The following SLC6A19 variants were observed in gnomAD, a reference collection of about 807,000 sequenced individuals.
SLC6A19 encodes sodium-dependent neutral amino acid transporter B(0)AT1.
In SLC6A19, 67 loss-of-function variants were observed where a neutral mutation model predicts 68.3. The ratio of observed to expected loss-of-function variants is 0.98; its 90% CI spans 0.81 to 1.20. The LOEUF is 1.20. Ranked by LOEUF, SLC6A19 falls within the 50% of genes most tolerant of loss-of-function variation. SLC6A19 has a pLI of 0.00. For missense variants in SLC6A19, 813 were observed against 851.6 expected (o/e 0.95, Z 0.56); for synonymous variants, 392 against 374.9 (o/e 1.05, Z -0.53).
intron 1 of SLC6A19, among the ~76,000 whole-genome samples, chr5:1,206,991 C>G (rs889689899): frequency 2.0e-5 from 3 of 152,192 alleles, no homozygotes; most frequent in Admixed American, 2.0e-4. Context: ...CTCACCCCGG[C>G]TGCAGCGTGG....
intron 1 of SLC6A19, among the ~76,000 whole-genome samples, chr5:1,205,414 G>T (rs1745825843): frequency 6.6e-6 from 1 of 152,358 alleles, no homozygotes; most frequent in East Asian, 1.9e-4. Context: ...CTGCATTTGG[G>T]GTGGAGTGGG....
chr5:1,216,190 G>A (rs1337310779), intron 6 of SLC6A19, among the ~76,000 whole-genome samples: 3 of 152,216 alleles, frequency 2.0e-5, no homozygotes, highest in African/African-American at 7.2e-5. Flanking sequence ...GAGAATGGAT[G>A]TGATGTCTTT....
intron 6 of SLC6A19, 87 bp from the exon 7 acceptor site, chr5:1,216,471 C>G (rs368806493): frequency 6.3e-7 from 1 of 1,597,682 alleles, no homozygotes. Flanking sequence ...GGGGCTGGCG[C>G]TCTGGGCGGG....
rs1746404748 is a variant in SLC6A19, at chr5:1,222,187, T to C, written c.*283T>C. ...GTGCCATGTGTGCAGATGTGTCATG[T>C]TGTGTGTGTGCATGTACATGTATGG... On this transcript the variant is annotated 3_prime_UTR_variant, in exon 12 of 12. Coordinates refer to ENST00000304460, the MANE Select transcript of SLC6A19 (RefSeq NM_001003841.3). 6.7e-6 allele frequency: 4 copies of C among 594,236 alleles called. No individual in the cohort carries two copies. The highest frequency in any genetic ancestry group is 1.2e-5 in the Non-Finnish European group (4 of 333,616). The allele number at this position is 594,236 out of a possible 1,614,324, so 36.8% of individuals were successfully genotyped here.
intron 8 of SLC6A19, among the ~76,000 whole-genome samples, chr5:1,217,467 T>G (rs1168272291): frequency 6.6e-6 from 1 of 152,228 alleles, no homozygotes; most frequent in Admixed American, 6.5e-5. Context: ...AGGTCGACAT[T>G]TGCTGATTTT....
Position 1,215,984 on chromosome 5 carries a change from T to G in SLC6A19, c.888-574T>G, listed in dbSNP as rs1380570327. Among the ~76,000 whole-genome samples, 3 of 152,170 alleles carry G rather than the reference T, an allele frequency of 2.0e-5. No individual in the cohort carries two copies. In the East Asian group the frequency reaches 5.8e-4, roughly 29 times the overall value. On this transcript the variant is annotated intron_variant, in intron 6 of 11. Coordinates refer to ENST00000304460, the MANE Select transcript of SLC6A19 (RefSeq NM_001003841.3). This position sits in a 1 kb window ranked among gnomAD's most constrained non-coding sequence, Gnocchi z 5.1. The stretch of plus-strand genomic sequence containing the variant: ...TTGGCATTTCCCTGAGGCTAACAGA[T>G]TCAGCTTTTGATGGAAGCATCTGGA...
At chr5:1,218,715 G>A (rs1362974943) in intron 8 of SLC6A19, among the ~76,000 whole-genome samples, 188 bp from the exon 9 acceptor site, 1 of 152,230 alleles carries the variant, frequency 6.6e-6, no homozygotes, top group Non-Finnish European at 1.5e-5. Flanking sequence ...TCCACGTGCT[G>A]GTCCTGATGC....
intron 1 of SLC6A19, among the ~76,000 whole-genome samples, chr5:1,208,047 AC>A (rs1165446474): frequency 6.6e-6 from 1 of 152,220 alleles, no homozygotes; most frequent in Non-Finnish European, 1.5e-5. Flanking sequence ...ATTATTGAAT[AC>A]ATATATGTAA....
intron 3 of SLC6A19, among the ~76,000 whole-genome samples, chr5:1,211,361 G>A (rs949808888): frequency 6.6e-6 from 1 of 152,256 alleles, no homozygotes; most frequent in Non-Finnish European, 1.5e-5. Flanking sequence ...CAAGCCCAGA[G>A]AGGCCCACAG....
At chr5:1,205,936 A>T (rs1443182238) in intron 1 of SLC6A19, among the ~76,000 whole-genome samples, 2 of 152,112 alleles carry the variant, frequency 1.3e-5, no homozygotes, top group African/African-American at 2.4e-5. Context: ...TCATCTCTCG[A>T]TGAATCCAGC....
chr5:1,204,978 T>G (rs1022056275), intron 1 of SLC6A19, among the ~76,000 whole-genome samples: 8 of 152,158 alleles, frequency 5.3e-5, no homozygotes, highest in Non-Finnish European at 1.5e-5. Context: ...TCTCTCCTGG[T>G]TTCCTACTTT....
At chr5:1,213,889 ACCC>A in intron 5 of SLC6A19, 61 bp from the exon 6 acceptor site, 2 of 1,473,668 alleles carry the variant, frequency 1.4e-6, no homozygotes, top group South Asian at 1.1e-5. Context: ...CTGGGAGCAC[ACCC>A]TCCCAGGTCC....
chr5:1,206,607 A>G (rs1374680890), intron 1 of SLC6A19, among the ~76,000 whole-genome samples: 2 of 151,682 alleles, frequency 1.3e-5, no homozygotes, highest in African/African-American at 4.9e-5. Flanking sequence ...CAAATGGAAC[A>G]CGTGTGTGGG....
At position 1,210,529 on chromosome 5, in the gene SLC6A19, C is replaced by T. The variant is rs1745995804; in HGVS notation, c.429C>T (p.Ser143=). 5 of 1,613,338 alleles carry T rather than the reference C, an allele frequency of 3.1e-6. No individual in the cohort carries two copies. Among genetic ancestry groups the T allele is most frequent in the Non-Finnish European group, 4.2e-6 (5 of 1,180,044 alleles). ...ISWIMWYLFN[S]FQEPLPWSDC... is the part of the protein sequence containing the mutation. ...GGATCATGTGGTACTTATTCAACTC[C>T]TTCCAGGAGCCTCTGCCCTGGAGCG... Residue 143 remains serine (S), a synonymous_variant, in exon 3 of 12, where the codon TCC becomes TCT. Transcript: ENST00000304460.
chr5:1,207,143 G>A (rs1033262599), intron 1 of SLC6A19, among the ~76,000 whole-genome samples: 15 of 152,222 alleles, frequency 9.9e-5, no homozygotes, highest in African/African-American at 3.6e-4. Flanking sequence ...ACTCACCTCT[G>A]CTGTTCCCTG....
rs376995967 is a variant in SLC6A19 at position 1,208,814 on chromosome 5, G to C, written c.271G>C (p.Ala91Pro). ...CATCCCCCTGCTGTACCTGGAGTTC[G>C]CCATCGGGCAGCGGCTGCGGCGGGG... ...EGIPLLYLEFAIGQRLRRGSL... is the reference protein window; with the variant it reads ...EGIPLLYLEFPIGQRLRRGSL... Residue 91 changes from alanine (A) to proline (P), a missense_variant, in exon 2 of 12, where the codon GCC (alanine) becomes CCC (proline). By Grantham distance (27) the Ala-to-Pro change is conservative (BLOSUM62 -1). Transcript: ENST00000304460. The C allele has an allele frequency of 2.5e-6, 4 of 1,613,066 alleles. No homozygotes were observed. Among genetic ancestry groups the C allele is most frequent in the East Asian group, 4.5e-5 (2 of 44,866 alleles).
Position 1,221,134 on chromosome 5 carries a change from G to A in SLC6A19, c.1539-17G>A, listed in dbSNP as rs762496557. On this transcript the variant is annotated splice_polypyrimidine_tract_variant and intron_variant, in intron 10 of 11. Transcript: ENST00000304460. ...CCAGCTGGTAGCAGCAGTGACAGCT[G>A]TCTCTGGCCTTGGCAGGTTCAATAA... 12 of 1,612,002 alleles carry A rather than the reference G, an allele frequency of 7.4e-6. No homozygotes were observed. In the African/African-American group the frequency reaches 1.2e-4, roughly 16 times the overall value.
Position 1,219,514 on chromosome 5 carries a change from G to A in SLC6A19, c.1388G>A (p.Cys463Tyr), listed in dbSNP as rs767399803. The part of the protein sequence containing the change: ...WPKEVLTGLI[C>Y]LGTFLIGFIF... Reference sequence around the variant, plus strand: ...GTCCCCCGGCCTGCAGGCCTCATCTGCCTGGGGACATTCCTCATTGGCTTC... The same window carrying A: ...GTCCCCCGGCCTGCAGGCCTCATCTACCTGGGGACATTCCTCATTGGCTTC... The change falls in exon 10 of 12, where the codon TGC (cysteine) becomes TAC (tyrosine). Residue 463 changes from cysteine (C) to tyrosine (Y), a missense_variant. Physicochemically the swap from Cys to Tyr is radical, Grantham distance 194. Transcript: ENST00000304460. 1 of 1,611,652 alleles carries A rather than the reference G, an allele frequency of 6.2e-7. No homozygotes were observed. The highest frequency in any genetic ancestry group is 8.5e-7 in the Non-Finnish European group (1 of 1,180,006).
intron 4 of SLC6A19, among the ~76,000 whole-genome samples, chr5:1,213,149 T>C (rs1579513396): frequency 1.5e-5 from 1 of 67,104 alleles, no homozygotes; most frequent in Non-Finnish European, 2.7e-5. Context: ...CCTGTAGGCC[T>C]GGCCCCCCTC....
Sources: gnomAD v4.1 joint callset for allele counts (sites outside exome capture counted in the v4.1 genomes callset) on GRCh38, gnomAD v4.1.1 for gene constraint, Gnocchi (gnomAD v3.1) non-coding constraint, MANE v1.5 for transcripts, NCBI Gene and HGNC (gene_info 2026-07-23, HGNC 2026-07-21) for gene names.